DPYD: variants seen among roughly 807,000 people sequenced by gnomAD.
The protein encoded by DPYD is dihydropyrimidine dehydrogenase.
A neutral mutation model predicts 116.2 loss-of-function variants in DPYD; 109 were observed. The ratio of observed to expected loss-of-function variants is 0.94; its 90% CI spans 0.80 to 1.10. The LOEUF (loss-of-function observed/expected upper bound fraction) is 1.10. Ranked by LOEUF, DPYD falls within the 50% of genes least tolerant of loss-of-function variation. The pLI, the probability that DPYD is intolerant of heterozygous loss-of-function variation, is 0.00. For missense variants in DPYD, 1,302 were observed against 1,254.5 expected, an observed-to-expected ratio of 1.04 and a Z score of -0.57; for synonymous variants, 440 against 432.0, an observed-to-expected ratio of 1.02 and a Z score of -0.23.
At chr1:97,186,101 T>TTA (rs1657978686) in intron 20 of DPYD, among the ~76,000 whole-genome samples, 1 of 152,086 alleles carries the variant, frequency 6.6e-6, no homozygotes, top group Non-Finnish European at 1.5e-5. Context: ...CTGTTGACAT[T>TTA]TACACATTTC....
chr1:97,492,219 C>CA (rs1679013552), intron 13 of DPYD, among the ~76,000 whole-genome samples: 1 of 152,122 alleles, frequency 6.6e-6, no homozygotes, highest in Admixed American at 6.6e-5. Context: ...GGAATGATTG[C>CA]AGATCAAGGC....
At chr1:97,817,593 C>G (rs1668695322) in intron 3 of DPYD, among the ~76,000 whole-genome samples, 1 of 152,072 alleles carries the variant, frequency 6.6e-6, no homozygotes, top group Admixed American at 6.6e-5. Flanking sequence ...AAAATGCCAA[C>G]GTGCTTATAA....
intron 16 of DPYD, among the ~76,000 whole-genome samples, chr1:97,354,065 G>T (rs1487922905): frequency 6.6e-6 from 1 of 152,146 alleles, no homozygotes; most frequent in Non-Finnish European, 1.5e-5. Context: ...ATATATCATA[G>T]AATTGCTGTG....
chr1:97,526,389 A>G (rs74868689), intron 12 of DPYD, among the ~76,000 whole-genome samples: 12,858 of 151,972 alleles, frequency 0.085, 661 homozygotes, highest in South Asian at 0.1. Context: ...CTAGACCAGT[A>G]ATTTTTTACT....
At chr1:97,358,378 T>C (rs1570587264) in intron 16 of DPYD, among the ~76,000 whole-genome samples, 1 of 152,176 alleles carries the variant, frequency 6.6e-6, no homozygotes, top group Non-Finnish European at 1.5e-5. Flanking sequence ...GGGCAGGGCA[T>C]AGCTGAACAA....
intron 16 of DPYD, among the ~76,000 whole-genome samples, chr1:97,340,556 C>A (rs115262804): frequency 0.038 from 5,783 of 152,130 alleles, 154 homozygotes; most frequent in East Asian, 0.067. Flanking sequence ...TGCCTGTGGT[C>A]CCAGCTACTT....
chr1:97,359,080 A>G (rs542282246), intron 16 of DPYD, among the ~76,000 whole-genome samples: 1 of 152,236 alleles, frequency 6.6e-6, no homozygotes, highest in South Asian at 2.1e-4. Context: ...GATGAGATGA[A>G]TGGCCACCTA....
chr1:97,197,127 C>A (rs972455424), intron 19 of DPYD, among the ~76,000 whole-genome samples: 2 of 152,036 alleles, frequency 1.3e-5, no homozygotes, highest in Admixed American at 6.6e-5. Flanking sequence ...AGAACATTTT[C>A]TAGGAAGCCC....
chr1:97,356,538 A>C (rs1461000212), intron 16 of DPYD, among the ~76,000 whole-genome samples: 1 of 152,220 alleles, frequency 6.6e-6, no homozygotes, highest in Non-Finnish European at 1.5e-5. Context: ...GGTGACACCC[A>C]GGCAAACAGG....
rs1481036080 is a variant in DPYD, at chr1:97,203,506, A to G, written c.2443-10258T>C. 2.0e-5 allele frequency among the ~76,000 whole-genome samples: 3 copies of G among 151,232 alleles called. No individual in the cohort carries two copies. In the Admixed American group the frequency reaches 2.0e-4, roughly 10 times the overall value. Reference sequence around the variant, plus strand: ...GGTGGGGGGAGGTGGGCGGGATAGCATTGGGAGATATACCTAATGCTAGAT... The same window carrying G: ...GGTGGGGGGAGGTGGGCGGGATAGCGTTGGGAGATATACCTAATGCTAGAT... On this transcript the variant is annotated intron_variant, in intron 19 of 22. Coordinates refer to ENST00000370192, the MANE Select transcript of DPYD (RefSeq NM_000110.4).
chr1:97,759,691 A>G (rs1665466168), intron 3 of DPYD, among the ~76,000 whole-genome samples: 1 of 152,124 alleles, frequency 6.6e-6, no homozygotes, highest in Non-Finnish European at 1.5e-5. Context: ...ACAATCTTTT[A>G]TGTATTTTTT....
intron 3 of DPYD, among the ~76,000 whole-genome samples, chr1:97,793,495 T>C (rs1667415596): frequency 6.6e-6 from 1 of 152,040 alleles, no homozygotes; most frequent in Non-Finnish European, 1.5e-5. Flanking sequence ...CCAGTGTTAA[T>C]ATAGAAAAAA....
intron 16 of DPYD, among the ~76,000 whole-genome samples, chr1:97,323,515 T>C (rs1297320590): frequency 1.3e-5 from 1 of 79,006 alleles, no homozygotes; most frequent in African/African-American, 4.6e-5. Context: ...TACATATGTG[T>C]ATATATACAC....
At chr1:97,112,596 T>C (rs1651678605) in intron 20 of DPYD, among the ~76,000 whole-genome samples, 1 of 152,156 alleles carries the variant, frequency 6.6e-6, no homozygotes, top group South Asian at 2.1e-4. Context: ...ACATCTTCTC[T>C]AAACAGAAGA....
intron 12 of DPYD, among the ~76,000 whole-genome samples, chr1:97,548,698 T>C (rs983945799): frequency 6.6e-6 from 1 of 152,156 alleles, no homozygotes; most frequent in Non-Finnish European, 1.5e-5. Context: ...ATCGTGCCAC[T>C]GCACTCCAGC....
At chr1:97,913,920 G>GT (rs1674090872) in intron 1 of DPYD, among the ~76,000 whole-genome samples, 1 of 151,994 alleles carries the variant, frequency 6.6e-6, no homozygotes, top group African/African-American at 2.4e-5. Context: ...GAGTTGACAT[G>GT]TAATTTTGTG....
intron 8 of DPYD, among the ~76,000 whole-genome samples, chr1:97,630,983 T>A (rs1314899659): frequency 6.6e-6 from 1 of 152,146 alleles, no homozygotes; most frequent in African/African-American, 2.4e-5. Flanking sequence ...ATTTGTTTCA[T>A]TCCAGGTCCT....
intron 3 of DPYD, among the ~76,000 whole-genome samples, chr1:97,802,696 T>C (rs763441939): frequency 1.3e-5 from 2 of 151,908 alleles, no homozygotes; most frequent in Non-Finnish European, 2.9e-5. Flanking sequence ...TTATCCTTCT[T>C]GCCTTGGTTG....
chr1:97,788,377 G>T (rs1571358240), intron 3 of DPYD, among the ~76,000 whole-genome samples: 1 of 152,312 alleles, frequency 6.6e-6, no homozygotes, highest in South Asian at 2.1e-4. Flanking sequence ...CAAAGGAGGA[G>T]AAGCCATATG....
Sources: allele counts gnomAD v4.1 joint callset (sites outside exome capture counted in the v4.1 genomes callset), GRCh38; gene constraint gnomAD v4.1.1; transcripts MANE v1.5; gene names NCBI Gene and HGNC (gene_info 2026-07-23, HGNC 2026-07-21).